Variants in SEL1L3 observed in about 807,000 individuals in gnomAD.
SEL1L3 encodes protein sel-1 homolog 3.
SEL1L3 carries 76 observed loss-of-function variants against 142.8 expected under a neutral mutation model. The ratio of observed to expected loss-of-function variants is 0.53; its 90% CI spans 0.44 to 0.64. The LOEUF is 0.64. Among genes scored for constraint, SEL1L3 ranks in the 30% least tolerant of loss-of-function variants. The pLI is 0.00. For synonymous variants in SEL1L3, 504 were observed against 519.6 expected (o/e 0.97, Z 0.41); for missense variants, 1,262 against 1,381.7 (o/e 0.91, Z 1.37).
intron 14 of SEL1L3, 42 bp from the exon 15 acceptor site, chr4:25,782,460 A>T (rs778026156): frequency 6.4e-7 from 1 of 1,552,776 alleles, no homozygotes; most frequent in South Asian, 1.1e-5. Flanking sequence ...TAGAAAAATG[A>T]AATCTAGAGA....
At chr4:25,772,376 A>G (rs1276955496) in intron 17 of SEL1L3, among the ~76,000 whole-genome samples, 1 of 152,142 alleles carries the variant, frequency 6.6e-6, no homozygotes, top group African/African-American at 2.4e-5. Context: ...AAATTTATAT[A>G]TGGTGGGCAA....
At chr4:25,737,530 A>AT in the SEL1L3 span, among the ~76,000 whole-genome samples, 1 of 152,130 alleles carries the variant, frequency 6.6e-6, no homozygotes, top group Non-Finnish European at 1.5e-5. Context: ...TCATGAACTC[A>AT]TCTAACCCTA....
At chr4:25,808,211 A>G (rs1040179661) in intron 9 of SEL1L3, among the ~76,000 whole-genome samples, 1 of 152,084 alleles carries the variant, frequency 6.6e-6, no homozygotes, top group Non-Finnish European at 1.5e-5. Context: ...GTTTATGGAG[A>G]TTAATGGTTT....
chr4:25,828,998 G>A (rs1056156558), intron 6 of SEL1L3, among the ~76,000 whole-genome samples: 4 of 152,060 alleles, frequency 2.6e-5, no homozygotes, highest in African/African-American at 9.7e-5. Flanking sequence ...TTTTAAGACA[G>A]AGCCTTGTTC....
intron 5 of SEL1L3, among the ~76,000 whole-genome samples, chr4:25,831,121 A>G: frequency 6.6e-6 from 1 of 152,126 alleles, no homozygotes; most frequent in Middle Eastern, 3.2e-3. Flanking sequence ...GCTTTACTCA[A>G]CTATGTACTC....
chr4:25,782,748 G>T (rs188584488), intron 14 of SEL1L3, among the ~76,000 whole-genome samples: 53 of 152,270 alleles, frequency 3.5e-4, no homozygotes, highest in Middle Eastern at 3.4e-3. Context: ...CGCATCAATA[G>T]TGCCCTTGAA....
intron 17 of SEL1L3, among the ~76,000 whole-genome samples, chr4:25,772,956 C>T (rs1304518604): frequency 6.6e-6 from 1 of 152,108 alleles, no homozygotes; most frequent in Non-Finnish European, 1.5e-5. Flanking sequence ...TACCATCACA[C>T]CCGGCTAATT....
At chr4:25,765,842 T>C (rs190808066) in intron 19 of SEL1L3, among the ~76,000 whole-genome samples, 15 of 152,064 alleles carry the variant, frequency 9.9e-5, no homozygotes, top group African/African-American at 3.6e-4. Flanking sequence ...TTTCACCATG[T>C]TGTCCTGGCT....
At chr4:25,808,886 G>A (rs1229347651) in intron 9 of SEL1L3, among the ~76,000 whole-genome samples, 3 of 152,228 alleles carry the variant, frequency 2.0e-5, no homozygotes, top group Admixed American at 6.5e-5. Context: ...TGGCTAACAC[G>A]GTGAAACCCC....
At chr4:25,723,517 C>T in the SEL1L3 span, among the ~76,000 whole-genome samples, 1 of 152,088 alleles carries the variant, frequency 6.6e-6, no homozygotes, top group African/African-American at 2.4e-5. Context: ...AAATGTATAC[C>T]TCAACTTGCA....
At chr4:25,793,745 T>G (rs1712518953) in intron 11 of SEL1L3, among the ~76,000 whole-genome samples, 1 of 152,208 alleles carries the variant, frequency 6.6e-6, no homozygotes, top group African/African-American at 2.4e-5. Flanking sequence ...TGGCATCTGC[T>G]ACATCAAAGG....
chr4:25,830,005 A>G (rs1244130864), intron 6 of SEL1L3, 93 bp downstream of exon 6: 1 of 766,964 alleles, frequency 1.3e-6, no homozygotes, highest in African/African-American at 1.7e-5. Context: ...GAATGAAGAG[A>G]TGTGGAATAA....
At chr4:25,763,034 G>A (rs1041722995) in intron 20 of SEL1L3, among the ~76,000 whole-genome samples, 1 of 151,540 alleles carries the variant, frequency 6.6e-6, no homozygotes, top group African/African-American at 2.4e-5. Flanking sequence ...ACATCTGCTT[G>A]TGGGCAGGGA....
At chr4:25,785,159 C>T (rs911112837) in intron 13 of SEL1L3, among the ~76,000 whole-genome samples, 3 of 152,182 alleles carry the variant, frequency 2.0e-5, no homozygotes, top group East Asian at 1.9e-4. Context: ...GACAGGATCG[C>T]CTGTGATTTG....
At chr4:25,725,283 C>A in the SEL1L3 span, among the ~76,000 whole-genome samples, 1 of 150,120 alleles carries the variant, frequency 6.7e-6, no homozygotes. Flanking sequence ...ACTCCATAGG[C>A]AGAGCAGCCC....
the SEL1L3 span, among the ~76,000 whole-genome samples, chr4:25,737,131 C>T: frequency 1.3e-5 from 2 of 152,010 alleles, no homozygotes; most frequent in African/African-American, 4.8e-5. Context: ...ACTACAGGCA[C>T]ACGCCACCAC....
At chr4:25,773,755 T>C (rs1355285907) in intron 17 of SEL1L3, among the ~76,000 whole-genome samples, 1 of 152,056 alleles carries the variant, frequency 6.6e-6, no homozygotes, top group Non-Finnish European at 1.5e-5. Flanking sequence ...ACCTCTTTGG[T>C]TTCATTATAT....
rs985691607 is a variant in SEL1L3 at position 25,747,740 on chromosome 4, G to T, written c.*685C>A. The T allele has an allele frequency of 6.6e-6, 1 of 152,614 alleles. No homozygotes were observed. The highest frequency in any genetic ancestry group is 2.4e-5 in the African/African-American group (1 of 41,410). The allele number at this position is 152,614 out of a possible 1,614,324, so 9.5% of individuals were successfully genotyped here. On this transcript the variant is annotated 3_prime_UTR_variant, in exon 24 of 24. Coordinates refer to ENST00000399878, the MANE Select transcript of SEL1L3 (RefSeq NM_015187.5). ...GGAGAAGACTACAGTTAAGTACTAAGAATCTTCTAAATGTAATTTCATGGA... is the reference window on the plus strand; with the variant it reads ...GGAGAAGACTACAGTTAAGTACTAATAATCTTCTAAATGTAATTTCATGGA...
chr4:25,762,329 T>A (rs1183175788), intron 20 of SEL1L3, among the ~76,000 whole-genome samples: 2 of 152,236 alleles, frequency 1.3e-5, no homozygotes, highest in African/African-American at 4.8e-5. Flanking sequence ...AGAGAAAATA[T>A]GGAAATATAA....
Sources: allele counts gnomAD v4.1 joint callset (sites outside exome capture counted in the v4.1 genomes callset), GRCh38; gene constraint gnomAD v4.1.1; transcripts MANE v1.5; gene names NCBI Gene and HGNC (gene_info 2026-07-23, HGNC 2026-07-21).